The following NEK5 variants were observed in gnomAD, a reference collection of about 807,000 sequenced individuals.
NEK5 encodes NIMA related kinase 5, also known as serine/threonine-protein kinase Nek5.
NEK5 carries 88 observed loss-of-function variants against 109.2 expected under a neutral mutation model. That is an observed-to-expected ratio of 0.81 (90% confidence interval 0.68 to 0.96). The LOEUF is 0.96. Among genes scored for constraint, NEK5 ranks in the 40% least tolerant of loss-of-function variants. The pLI is 0.00. For missense variants in NEK5, 834 were observed against 920.7 expected (o/e 0.91, Z 1.22); for synonymous variants, 283 against 299.9 (o/e 0.94, Z 0.58).
chr13:52,080,194 C>CGCCCCG (rs1954966127), intron 17 of NEK5, among the ~76,000 whole-genome samples: 1 of 150,362 alleles, frequency 6.7e-6, no homozygotes, highest in Non-Finnish European at 1.5e-5. Context: ...CCAGGCCAGC[C>CGCCCCG]GCCCCGTCCG....
At chr13:52,064,016 C>T (rs1954642613) in intron 21 of NEK5, among the ~76,000 whole-genome samples, 2 of 141,756 alleles carry the variant, frequency 1.4e-5, no homozygotes, top group African/African-American at 5.2e-5. Flanking sequence ...GGTCAGCCCC[C>T]CGCCCGGCCA....
intron 3 of NEK5, among the ~76,000 whole-genome samples, chr13:52,126,929 C>A (rs1956074534): frequency 6.6e-6 from 1 of 152,170 alleles, no homozygotes; most frequent in Non-Finnish European, 1.5e-5. Flanking sequence ...AGAGGAAGTG[C>A]ACCACAGAGA....
At chr13:52,122,353 C>T (rs1299612075) in intron 3 of NEK5, among the ~76,000 whole-genome samples, 1 of 151,920 alleles carries the variant, frequency 6.6e-6, no homozygotes, top group African/African-American at 2.4e-5. Context: ...TGCAGGTGGT[C>T]CCTTTATCAT....
chr13:52,051,305 C>T (rs1291818990), intron 22 of NEK5, among the ~76,000 whole-genome samples: 1 of 151,932 alleles, frequency 6.6e-6, no homozygotes, highest in African/African-American at 2.4e-5. Context: ...ATGACTTGTT[C>T]TTCTATTTCC....
chr13:52,115,086 C>T (rs1007303252), intron 4 of NEK5, among the ~76,000 whole-genome samples: 1 of 151,258 alleles, frequency 6.6e-6, no homozygotes, highest in African/African-American at 2.4e-5. Flanking sequence ...AATCTCGGCT[C>T]ACTGCAAGCT....
intron 22 of NEK5, among the ~76,000 whole-genome samples, chr13:52,054,408 A>G (rs116903436): frequency 6.6e-6 from 1 of 152,298 alleles, no homozygotes; most frequent in Non-Finnish European, 1.5e-5. Context: ...GCAGCCTCCA[A>G]CTCCAGGGCT....
intron 8 of NEK5, among the ~76,000 whole-genome samples, chr13:52,105,977 G>C (rs1232392456): frequency 1.3e-5 from 2 of 152,006 alleles, no homozygotes; most frequent in Non-Finnish European, 1.5e-5. Context: ...TGGGATTATA[G>C]GCATGAGCCA....
chr13:52,125,312 C>T (rs534999413), intron 3 of NEK5, among the ~76,000 whole-genome samples: 2 of 152,288 alleles, frequency 1.3e-5, no homozygotes, highest in East Asian at 3.9e-4. Flanking sequence ...GCCTGTAATC[C>T]CAGCACTTTG....
At chr13:52,079,897 C>T (rs1262761554) in intron 17 of NEK5, among the ~76,000 whole-genome samples, 7 of 151,600 alleles carry the variant, frequency 4.6e-5, no homozygotes, top group Admixed American at 1.3e-4. Flanking sequence ...ATGTGGGGAG[C>T]GCCTTTGCCC....
rs777191818 is a variant in NEK5 at position 52,065,540 on chromosome 13, AG to A, written c.1918del (p.Leu640CysfsTer4). On this transcript the variant is annotated frameshift_variant, in exon 21 of 24. Coordinates refer to ENST00000684899, the MANE Select transcript of NEK5 (RefSeq NM_001365552.1). LOFTEE classifies it high-confidence loss of function. The stretch of plus-strand genomic sequence containing the variant: ...GTCGGCCACTGCCATCATCTGCAGC[AG>A]AGTCTGAGGCGCTCCTCCATCCCAC... The part of the protein sequence containing the change: ...RQWDGGAPQT[L>X]LQMMAVADIT... The A allele has an allele frequency of 1.2e-6, 2 of 1,614,028 alleles. No individual in the cohort carries two copies. Among genetic ancestry groups the A allele is most frequent in the Non-Finnish European group, 1.7e-6 (2 of 1,179,860 alleles).
chr13:52,037,662 G>A (rs1954373027), intron 23 of NEK5, among the ~76,000 whole-genome samples: 1 of 152,166 alleles, frequency 6.6e-6, no homozygotes, highest in Non-Finnish European at 1.5e-5. Context: ...GGTGGCTCAC[G>A]CCTGTAATCC....
Position 52,035,384 on chromosome 13 carries a change from C to G in NEK5, c.*1564G>C, listed in dbSNP as rs1362612221. 2 of 152,132 alleles carry G rather than the reference C, an allele frequency of 1.3e-5. No individual in the cohort carries two copies. The highest frequency in any genetic ancestry group is 1.3e-4 in the Admixed American group (2 of 15,268). 9.4% of individuals were successfully genotyped at this position (152,132 alleles called of 1,614,324 possible). On this transcript the variant is annotated 3_prime_UTR_variant, in exon 24 of 24. Coordinates refer to ENST00000684899, the MANE Select transcript of NEK5 (RefSeq NM_001365552.1). ...ACCCACCTTACCTCATCTTTGTTTT[C>G]TCAGTTTAACAGTGTATCGGTGAGA...
At chr13:52,110,940 C>T (rs569504594) in intron 5 of NEK5, among the ~76,000 whole-genome samples, 1 of 152,170 alleles carries the variant, frequency 6.6e-6, no homozygotes, top group African/African-American at 2.4e-5. Flanking sequence ...ACACAAGCAG[C>T]CCTGTTTCCT....
intron 15 of NEK5, 108 bp downstream of exon 15, chr13:52,087,230 G>T: frequency 1.6e-6 from 1 of 620,130 alleles, no homozygotes; most frequent in Non-Finnish European, 2.9e-6. Context: ...GCATGGTGTT[G>T]ACATATTCAG....
chr13:52,103,521 G>T (rs768342630), intron 9 of NEK5, among the ~76,000 whole-genome samples: 2 of 152,230 alleles, frequency 1.3e-5, no homozygotes, highest in Admixed American at 6.5e-5. Flanking sequence ...GTGGAGAAAA[G>T]AGTTGATGTA....
At chr13:52,088,278 A>T (rs1955197957) in intron 14 of NEK5, among the ~76,000 whole-genome samples, 1 of 151,000 alleles carries the variant, frequency 6.6e-6, no homozygotes, top group Admixed American at 6.6e-5. Flanking sequence ...TTTTTGAGAC[A>T]GAGTCTCGTT....
intron 5 of NEK5, among the ~76,000 whole-genome samples, chr13:52,111,730 G>A (rs147799067): frequency 6.6e-6 from 1 of 152,276 alleles, no homozygotes; most frequent in South Asian, 2.1e-4. Flanking sequence ...GTTCCAGGGA[G>A]GCTTGGAGTA....
At chr13:52,082,420 A>G (rs1174576172) in intron 17 of NEK5, 1 of 922,978 alleles carries the variant, frequency 1.1e-6, no homozygotes, top group East Asian at 9.5e-5. Context: ...CAAAATAAAT[A>G]TAACTCCTTG....
rs1016738447 is a variant in NEK5, at chr13:52,057,024, G to A, written c.2110+4795C>T. ...GAATCCAGGAGCTGGTTTTTCGAAA[G>A]GATCAACAAAATTGATAAACCGCTA... On this transcript the variant is annotated intron_variant, in intron 22 of 23. Transcript: ENST00000684899. Among the ~76,000 whole-genome samples the A allele has an allele frequency of 8.8e-4, 133 of 151,994 alleles. 1 individual carries two copies. The South Asian group carries it at 9.0e-3, about 10-fold the overall frequency.
Sources: gnomAD v4.1 joint callset for allele counts (sites outside exome capture counted in the v4.1 genomes callset) on GRCh38, gnomAD v4.1.1 for gene constraint, MANE v1.5 for transcripts, NCBI Gene and HGNC (gene_info 2026-07-23, HGNC 2026-07-21) for gene names.